The following GALNT18 variants were observed in gnomAD, a reference collection of about 807,000 sequenced individuals.
GALNT18 encodes the protein polypeptide N-acetylgalactosaminyltransferase 18.
Under a neutral mutation model 69.5 loss-of-function variants are expected in GALNT18, and 44 were observed. The observed-to-expected ratio is 0.63, with a 90% CI of 0.50 to 0.81. The LOEUF is 0.81. Ranked by LOEUF, GALNT18 falls within the 40% of genes least tolerant of loss-of-function variation. The pLI, the probability that GALNT18 is intolerant of heterozygous loss-of-function variation, is 0.00. For synonymous variants in GALNT18, 364 were observed against 318.2 expected, an observed-to-expected ratio of 1.14 and a Z score of -1.53; for missense variants, 715 against 810.0, an observed-to-expected ratio of 0.88 and a Z score of 1.42.
rs551023180 is a variant in GALNT18, at chr11:11,324,749, T to C, written c.1512+2337A>G. Among the ~76,000 whole-genome samples, 28 of 152,240 alleles carry C rather than the reference T, an allele frequency of 1.8e-4. 1 individual carries two copies. The highest frequency in any genetic ancestry group is 6.7e-4 in the African/African-American group (28 of 41,540). On this transcript the variant is annotated intron_variant, in intron 9 of 10. Transcript: ENST00000227756. Reference sequence around the variant, plus strand: ...ATGTCCTTTGGCTTTTTGATGAGAGTATGTGTTTTTTTTTTCTTGCTGATC... The same window carrying C: ...ATGTCCTTTGGCTTTTTGATGAGAGCATGTGTTTTTTTTTTCTTGCTGATC...
At chr11:11,350,495 T>C (rs1008250341) in intron 6 of GALNT18, among the ~76,000 whole-genome samples, 1 of 152,026 alleles carries the variant, frequency 6.6e-6, no homozygotes, top group Non-Finnish European at 1.5e-5. Flanking sequence ...TCAAGACAAG[T>C]TGGAAAAAGG....
chr11:11,422,853 C>T lies in GALNT18; in HGVS notation c.595+9768G>A, dbSNP rs1303316516. On this transcript the variant is annotated intron_variant, in intron 3 of 10. Coordinates refer to ENST00000227756, the MANE Select transcript of GALNT18 (RefSeq NM_198516.3). ...TGTTTCTATTTCATCACTACATTGA[C>T]TTTCTTACCAACAATTAAAAATAAC... is the stretch of plus-strand genomic sequence containing the variant. Among the ~76,000 whole-genome samples the T allele has an allele frequency of 3.9e-5, 6 of 152,258 alleles. No individual in the cohort carries two copies. The East Asian group carries it at 1.2e-3, about 29-fold the overall frequency.
At chr11:11,528,060 AG>A (rs1354765644) in intron 1 of GALNT18, among the ~76,000 whole-genome samples, 1 of 152,218 alleles carries the variant, frequency 6.6e-6, no homozygotes, top group African/African-American at 2.4e-5. Flanking sequence ...TTTACAAAGG[AG>A]GAAACTGAGT....
chr11:11,517,930 T>C (rs1180179547), intron 1 of GALNT18, among the ~76,000 whole-genome samples: 2 of 152,246 alleles, frequency 1.3e-5, no homozygotes, highest in African/African-American at 2.4e-5. Context: ...GCTAAAGGAA[T>C]GAAGCCATAA....
At chr11:11,279,655 A>C (rs1441474159) in intron 10 of GALNT18, among the ~76,000 whole-genome samples, 1 of 152,180 alleles carries the variant, frequency 6.6e-6, no homozygotes, top group Non-Finnish European at 1.5e-5. Flanking sequence ...ATACAAACAA[A>C]CATTATTCTA....
Position 11,454,719 on chromosome 11 carries a change from A to G in GALNT18, c.236-5783T>C, listed in dbSNP as rs931046708. On this transcript the variant is annotated intron_variant, in intron 1 of 10. Transcript: ENST00000227756. This position sits in a 1 kb window ranked among gnomAD's most constrained non-coding sequence, Gnocchi z 4.2. The stretch of plus-strand genomic sequence containing the variant: ...CCACAGAGAGCCAGAGAGTCAGGCC[A>G]GGAGTGCTCTTCCTTCCTTGAAACC... Among the ~76,000 whole-genome samples the G allele has an allele frequency of 2.6e-5, 4 of 151,882 alleles. No homozygotes were observed. The highest frequency in any genetic ancestry group is 9.7e-5 in the African/African-American group (4 of 41,348).
At chr11:11,473,099 C>A (rs1305346842) in intron 1 of GALNT18, among the ~76,000 whole-genome samples, 1 of 152,178 alleles carries the variant, frequency 6.6e-6, no homozygotes, top group Non-Finnish European at 1.5e-5. Flanking sequence ...TTACTACAGC[C>A]CCAAACCCAC....
rs185370515 is a variant in GALNT18, at chr11:11,447,796, C to T, written c.428+948G>A. Among the ~76,000 whole-genome samples the T allele has an allele frequency of 3.2e-4, 48 of 152,278 alleles. 1 individual carries two copies. The highest frequency in any genetic ancestry group is 1.0e-3 in the African/African-American group (43 of 41,552). On this transcript the variant is annotated intron_variant, in intron 2 of 10. Coordinates refer to ENST00000227756, the MANE Select transcript of GALNT18 (RefSeq NM_198516.3). ...TGATTCAGTTACCTCCTACCTGGTC[C>T]CTCCCACAATATGTGGGGATTATGG...
chr11:11,524,277 C>A (rs370373621), intron 1 of GALNT18, among the ~76,000 whole-genome samples: 1 of 152,256 alleles, frequency 6.6e-6, no homozygotes, highest in African/African-American at 2.4e-5. Flanking sequence ...CTTCAAGATC[C>A]TTTTCAGCAG....
chr11:11,472,287 G>A (rs1209247656), intron 1 of GALNT18, among the ~76,000 whole-genome samples: 1 of 152,216 alleles, frequency 6.6e-6, no homozygotes, highest in Non-Finnish European at 1.5e-5. Flanking sequence ...GCTCAGGACA[G>A]GTCTGGGGCT....
rs114864766 is a variant in GALNT18, at chr11:11,330,291, G to A, written c.1416+2403C>T. Among the ~76,000 whole-genome samples the A allele has an allele frequency of 5.2e-3, 788 of 152,294 alleles. 7 individuals carry two copies. The highest frequency in any genetic ancestry group is 0.018 in the African/African-American group (748 of 41,564). Reference sequence around the variant, plus strand: ...AACAGAAAAAGGAAAAAGAAATTATGCCCCTGAAAAGACATCTGGTCTCTT... The same window carrying A: ...AACAGAAAAAGGAAAAAGAAATTATACCCCTGAAAAGACATCTGGTCTCTT... On this transcript the variant is annotated intron_variant, in intron 8 of 10. Coordinates refer to ENST00000227756, the MANE Select transcript of GALNT18 (RefSeq NM_198516.3).
chr11:11,284,111 C>G (rs1489365975), intron 10 of GALNT18, among the ~76,000 whole-genome samples: 1 of 152,212 alleles, frequency 6.6e-6, no homozygotes, highest in Non-Finnish European at 1.5e-5. Flanking sequence ...ACAGAGCATG[C>G]TGAGGCACTC....
intron 2 of GALNT18, among the ~76,000 whole-genome samples, chr11:11,433,746 G>C (rs996139264): frequency 2.0e-5 from 3 of 152,202 alleles, no homozygotes; most frequent in Non-Finnish European, 4.4e-5. Context: ...ATGGGCAGGA[G>C]ACCACTGCTG....
intron 1 of GALNT18, among the ~76,000 whole-genome samples, chr11:11,553,570 G>C (rs1858253116): frequency 6.6e-6 from 1 of 152,178 alleles, no homozygotes; most frequent in South Asian, 2.1e-4. Context: ...AGGAGGGGTA[G>C]TCAGGGGAGG....
intron 1 of GALNT18, among the ~76,000 whole-genome samples, chr11:11,478,756 G>C (rs1166759959): frequency 6.6e-6 from 1 of 151,896 alleles, no homozygotes; most frequent in African/African-American, 2.4e-5. Context: ...TGTTTCATGG[G>C]AGTTGAAGCG....
intron 6 of GALNT18, among the ~76,000 whole-genome samples, chr11:11,348,395 A>AAG (rs2133063874): frequency 6.6e-6 from 1 of 151,804 alleles, no homozygotes; most frequent in African/African-American, 2.4e-5. Context: ...AAAAAAAAAA[A>AAG]AAAAAAAAGG....
At chr11:11,294,323 C>T (rs571723313) in intron 9 of GALNT18, among the ~76,000 whole-genome samples, 115 of 152,302 alleles carry the variant, frequency 7.6e-4, no homozygotes, top group African/African-American at 2.7e-3. Flanking sequence ...TTACTGGGGG[C>T]TGTCACATAG....
intron 1 of GALNT18, among the ~76,000 whole-genome samples, chr11:11,526,611 CAA>C (rs1160627306): frequency 1.3e-5 from 2 of 152,118 alleles, no homozygotes; most frequent in Non-Finnish European, 2.9e-5. Flanking sequence ...GCTTATATCA[CAA>C]AGGCTACATC....
chr11:11,611,872 C>T (rs1340062604), intron 1 of GALNT18, among the ~76,000 whole-genome samples: 1 of 152,196 alleles, frequency 6.6e-6, no homozygotes, highest in African/African-American at 2.4e-5. Flanking sequence ...TGGCTGCTCC[C>T]TCACCCTTCC....
Sources: allele counts gnomAD v4.1 joint callset (sites outside exome capture counted in the v4.1 genomes callset), GRCh38; gene constraint gnomAD v4.1.1; non-coding constraint Gnocchi (gnomAD v3.1); transcripts MANE v1.5; gene names NCBI Gene and HGNC (gene_info 2026-07-23, HGNC 2026-07-21).